Variants in KHDRBS3 observed in about 807,000 individuals in gnomAD.
KHDRBS3 encodes the protein KH RNA binding domain containing, signal transduction associated 3.
A neutral mutation model predicts 45.6 loss-of-function variants in KHDRBS3; 23 were observed. That is an observed-to-expected ratio of 0.50 (90% confidence interval 0.36 to 0.72). The LOEUF (loss-of-function observed/expected upper bound fraction) is 0.72, where lower values mean the gene tolerates loss of function less well. Among genes scored for constraint, KHDRBS3 ranks in the 30% least tolerant of loss-of-function variants. KHDRBS3 has a pLI of 0.00. For synonymous variants in KHDRBS3, 162 were observed against 156.5 expected, an observed-to-expected ratio of 1.04 and a Z score of -0.26; for missense variants, 352 against 424.8, an observed-to-expected ratio of 0.83 and a Z score of 1.51.
chr8:135,623,353 G>C (rs560607392), intron 7 of KHDRBS3, among the ~76,000 whole-genome samples: 148 of 152,302 alleles, frequency 9.7e-4, no homozygotes, highest in Non-Finnish European at 1.8e-3. Context: ...GTCTGAATTT[G>C]AATCCTGACT....
intron 1 of KHDRBS3, among the ~76,000 whole-genome samples, chr8:135,515,733 A>C (rs977565875): frequency 2.6e-5 from 4 of 152,220 alleles, no homozygotes; most frequent in African/African-American, 9.6e-5. Flanking sequence ...TCAGGCTACC[A>C]TATTAGTCTG....
intron 3 of KHDRBS3, among the ~76,000 whole-genome samples, chr8:135,546,285 T>C (rs1160260986): frequency 6.6e-6 from 1 of 152,236 alleles, no homozygotes; most frequent in Non-Finnish European, 1.5e-5. Flanking sequence ...TATCAGTTAA[T>C]ATGTTTATTT....
chr8:135,547,381 A>G (rs1452790164), intron 3 of KHDRBS3, among the ~76,000 whole-genome samples: 1 of 152,164 alleles, frequency 6.6e-6, no homozygotes, highest in African/African-American at 2.4e-5. Flanking sequence ...ATTTATATAA[A>G]GCTGTGCCTT....
intron 1 of KHDRBS3, among the ~76,000 whole-genome samples, chr8:135,469,512 T>G (rs559551551): frequency 2.9e-3 from 66 of 22,456 alleles, no homozygotes; most frequent in South Asian, 6.0e-3. Flanking sequence ...TGGTGTTTTT[T>G]TTTTGTTTTG....
chr8:135,520,718 A>G (rs1390682138), intron 1 of KHDRBS3, among the ~76,000 whole-genome samples: 1 of 152,238 alleles, frequency 6.6e-6, no homozygotes, highest in African/African-American at 2.4e-5. Flanking sequence ...TAGTAAAGAC[A>G]TTAGCATATA....
At chr8:135,654,264 T>G (rs1429837858) in intron 4 of KHDRBS3, among the ~76,000 whole-genome samples, 2 of 151,620 alleles carry the variant, frequency 1.3e-5, no homozygotes, top group Non-Finnish European at 3.0e-5. Flanking sequence ...GTAGTTAGTT[T>G]CTAATATTTT....
intron 6 of KHDRBS3, among the ~76,000 whole-genome samples, chr8:135,586,186 A>G (rs1202231296): frequency 6.6e-6 from 1 of 152,150 alleles, no homozygotes; most frequent in Admixed American, 6.5e-5. Context: ...TATGATCTCT[A>G]CTGTACAAAT....
chr8:135,607,778 C>T (rs1055064120), intron 7 of KHDRBS3, among the ~76,000 whole-genome samples: 3 of 152,118 alleles, frequency 2.0e-5, no homozygotes, highest in Non-Finnish European at 2.9e-5. Context: ...AAAATATGGA[C>T]TATGAGGTGA....
intron 1 of KHDRBS3, among the ~76,000 whole-genome samples, chr8:135,482,869 T>C (rs1822655244): frequency 6.6e-6 from 1 of 152,162 alleles, no homozygotes; most frequent in Non-Finnish European, 1.5e-5. Context: ...AAATGAAGTA[T>C]TTGTGAAGCA....
chr8:135,504,032 C>T (rs1174702362), intron 1 of KHDRBS3, among the ~76,000 whole-genome samples: 4 of 152,088 alleles, frequency 2.6e-5, no homozygotes, highest in Admixed American at 6.5e-5. Context: ...AGAGGTAGAC[C>T]TCAGCTTGCC....
At chr8:135,490,370 A>G (rs1242539119) in intron 1 of KHDRBS3, among the ~76,000 whole-genome samples, 4 of 152,190 alleles carry the variant, frequency 2.6e-5, no homozygotes, top group African/African-American at 9.7e-5. Context: ...CTAAGAACAC[A>G]TCCCCTTTTT....
At chr8:135,484,699 A>G (rs980864309) in intron 1 of KHDRBS3, among the ~76,000 whole-genome samples, 3 of 152,182 alleles carry the variant, frequency 2.0e-5, no homozygotes, top group Admixed American at 1.3e-4. Flanking sequence ...TCCTCCTATA[A>G]GCTGTTAAAT....
chr8:135,550,990 A>T (rs1826562783), intron 4 of KHDRBS3, among the ~76,000 whole-genome samples: 1 of 152,186 alleles, frequency 6.6e-6, no homozygotes, highest in Non-Finnish European at 1.5e-5. Flanking sequence ...TTTTGATACT[A>T]CTGTGAGTGC....
intron 7 of KHDRBS3, among the ~76,000 whole-genome samples, chr8:135,630,102 A>G (rs1434630445): frequency 6.6e-6 from 1 of 152,228 alleles, no homozygotes; most frequent in African/African-American, 2.4e-5. Context: ...TACCAAGGCT[A>G]GAAAACCTCC....
chr8:135,473,051 T>C (rs62522947), intron 1 of KHDRBS3, among the ~76,000 whole-genome samples: 1 of 135,054 alleles, frequency 7.4e-6, no homozygotes, highest in Admixed American at 7.4e-5. Flanking sequence ...TTTTTTTTTT[T>C]GGTGATGCAT....
intron 7 of KHDRBS3, among the ~76,000 whole-genome samples, chr8:135,612,219 G>C (rs1829733899): frequency 6.6e-6 from 1 of 151,658 alleles, no homozygotes; most frequent in Non-Finnish European, 1.5e-5. Context: ...GATTACAGTT[G>C]CTGGGACTCA....
At chr8:135,486,179 C>T (rs1431306905) in intron 1 of KHDRBS3, among the ~76,000 whole-genome samples, 2 of 152,058 alleles carry the variant, frequency 1.3e-5, no homozygotes, top group African/African-American at 4.8e-5. Context: ...TGAGGTGAGT[C>T]TCTTTCCAGT....
intron 6 of KHDRBS3, among the ~76,000 whole-genome samples, chr8:135,604,029 GA>G (rs1829338928): frequency 6.6e-6 from 1 of 151,552 alleles, no homozygotes. Flanking sequence ...TATTATTGTT[GA>G]ATTGTCTATT....
intron 7 of KHDRBS3, among the ~76,000 whole-genome samples, chr8:135,638,473 CAT>C (rs1294422924): frequency 6.6e-6 from 1 of 152,196 alleles, no homozygotes; most frequent in Non-Finnish European, 1.5e-5. Context: ...AAAACTAACA[CAT>C]ATCTAAAATT....
Sources: gnomAD v4.1 joint callset for allele counts (sites outside exome capture counted in the v4.1 genomes callset) on GRCh38, gnomAD v4.1.1 for gene constraint, MANE v1.5 for transcripts, NCBI Gene and HGNC (gene_info 2026-07-23, HGNC 2026-07-21) for gene names.